Variants in ABCD4 observed in about 807,000 individuals in gnomAD.
ABCD4 encodes lysosomal cobalamin transporter ABCD4.
A neutral mutation model predicts 86.3 loss-of-function variants in ABCD4; 53 were observed. The observed-to-expected ratio is 0.61, with a 90% confidence interval of 0.49 to 0.77. The LOEUF is 0.77. Among genes scored for constraint, ABCD4 ranks in the 30% least tolerant of loss-of-function variants. The pLI is 0.00. For synonymous variants in ABCD4, 328 were observed against 313.6 expected (o/e 1.05, Z -0.49); for missense variants, 757 against 764.5 (o/e 0.99, Z 0.12).
intron 7 of ABCD4, chr14:74,294,350 C>G (rs760647163): frequency 6.6e-6 from 1 of 152,400 alleles, no homozygotes; most frequent in African/African-American, 2.4e-5. Flanking sequence ...CCACCATGCC[C>G]GGCCTCCAAA....
Position 74,299,555 on chromosome 14 carries a change from T to C in ABCD4, c.278A>G (p.Asn93Ser), listed in dbSNP as rs755101479. The change falls in exon 3 of 19, where the codon AAC (asparagine) becomes AGC (serine). Residue 93 changes from asparagine to serine, a missense_variant. Physicochemically the swap from Asn to Ser is conservative, Grantham distance 46. Transcript: ENST00000356924. ...GAGAGGGAAAGATCTTACCGTGGAG[T>C]TCAGAACAATGAGCATGACAGCCAG... ...TFLAVMLIVL[N>S]STLKSFDQFT... is the part of the protein sequence containing the mutation. 1.2e-6 allele frequency: 2 copies of C among 1,612,560 alleles called. No individual in the cohort carries two copies. Among genetic ancestry groups the C allele is most frequent in the South Asian group, 1.1e-5 (1 of 90,996 alleles).
intron 1 of ABCD4, among the ~76,000 whole-genome samples, chr14:74,302,654 G>A (rs1308139587): frequency 6.6e-6 from 1 of 152,230 alleles, no homozygotes; most frequent in African/African-American, 2.4e-5. Context: ...CGCAGGAGAT[G>A]GCACAAGTCC....
In ABCD4 at chr14:74,296,362, G is replaced by A. The variant is rs753895443; in HGVS notation, c.513C>T (p.Leu171=). ...GGAAGCACTGGTAAGTGTAGTAGAC[G>A]AGGGTGAACGGGGAGATGATGAGCT... ...ASKLIISPFT[L]VYYTYQCFQS... Residue 171 remains leucine (L), a synonymous_variant, in exon 5 of 19, where the codon CTC becomes CTT. Coordinates refer to ENST00000356924, the MANE Select transcript of ABCD4 (RefSeq NM_005050.4). 12 of 1,614,076 alleles carry A rather than the reference G, an allele frequency of 7.4e-6. No homozygotes were observed. Among genetic ancestry groups the A allele is most frequent in the African/African-American group, 2.7e-5 (2 of 74,934 alleles).
chr14:74,293,309 G>T (rs576115362), intron 7 of ABCD4, 61 bp from the exon 8 acceptor site: 2 of 1,505,154 alleles, frequency 1.3e-6, no homozygotes, highest in Non-Finnish European at 9.2e-7. Flanking sequence ...TTGGGGGGCC[G>T]CCTGTCCCAT....
chr14:74,291,019 G>A (rs1439132792), intron 11 of ABCD4, among the ~76,000 whole-genome samples: 26 of 152,092 alleles, frequency 1.7e-4, no homozygotes, highest in Admixed American at 1.7e-3. Flanking sequence ...AGTTGTTGGG[G>A]TGGGACCCTA....
At position 74,292,790 on chromosome 14, in the gene ABCD4, A is replaced by G. The variant is rs1359330292; in HGVS notation, c.894T>C (p.Tyr298=). The G allele has an allele frequency of 6.2e-7, 1 of 1,614,160 alleles. No individual in the cohort carries two copies. The highest frequency in any genetic ancestry group is 2.2e-5 in the East Asian group (1 of 44,870). ...VIAIPIFSGV[Y]GDLSPAELST... The stretch of plus-strand genomic sequence containing the variant: ...TAAGCTCTGCGGGACTCAGGTCTCC[A>G]TAGACCCCGCTGAAAATGGGGATTG... The change falls in exon 9 of 19, where the codon TAT becomes TAC. Residue 298 remains tyrosine (Y), a synonymous_variant. Transcript: ENST00000356924.
At chr14:74,301,146 G>A (rs1203496885) in intron 1 of ABCD4, among the ~76,000 whole-genome samples, 1 of 146,676 alleles carries the variant, frequency 6.8e-6, no homozygotes, top group Non-Finnish European at 1.5e-5. Flanking sequence ...GAGCCACCGC[G>A]CCTGGCCTAA....
chr14:74,302,746 TTCTC>T (rs1468168131), intron 1 of ABCD4, 125 bp downstream of exon 1: 1 of 1,128,220 alleles, frequency 8.9e-7, no homozygotes, highest in African/African-American at 1.6e-5. Flanking sequence ...GAGCTCCTCT[TTCTC>T]TCAGAAGTCA....
rs750360597 is a variant in ABCD4 at position 74,299,548 on chromosome 14, C to T, written c.285G>A (p.Thr95=). 6 of 1,613,268 alleles carry T rather than the reference C, an allele frequency of 3.7e-6. No individual in the cohort carries two copies. Among genetic ancestry groups the T allele is most frequent in the Middle Eastern group, 1.7e-4 (1 of 6,060 alleles). The change falls in exon 3 of 19, where the codon ACG becomes ACA. Residue 95 remains threonine, a splice_region_variant and synonymous_variant. Coordinates refer to ENST00000356924, the MANE Select transcript of ABCD4 (RefSeq NM_005050.4). ...ACACAGAGAGAGGGAAAGATCTTAC[C>T]GTGGAGTTCAGAACAATGAGCATGA... ...LAVMLIVLNS[T]LKSFDQFTCN...
In ABCD4 at chr14:74,290,347, C is replaced by T; in HGVS notation, c.1271G>A (p.Gly424Asp). The T allele has an allele frequency of 1.9e-6, 3 of 1,614,154 alleles. No individual in the cohort carries two copies. Among genetic ancestry groups the T allele is most frequent in the Non-Finnish European group, 2.5e-6 (3 of 1,180,022 alleles). Residue 424 changes from glycine to aspartate, a missense_variant, in exon 12 of 19, where the codon GGC (glycine) becomes GAC (aspartate). Physicochemically the swap from Gly to Asp is moderately conservative, Grantham distance 94. Transcript: ENST00000356924. ...GQSLLITGNT[G>D]TGKTSLLRVL... is the part of the protein sequence containing the mutation. ...CCGGAGCAAGGAGGTCTTGCCAGTGCCCGTGTTGCCTGTGATGAGCAGGCT... is the reference window on the plus strand; with the variant it reads ...CCGGAGCAAGGAGGTCTTGCCAGTGTCCGTGTTGCCTGTGATGAGCAGGCT...
At chr14:74,297,608 G>A (rs982634819) in intron 4 of ABCD4, 1 of 593,722 alleles carries the variant, frequency 1.7e-6, no homozygotes, top group Non-Finnish European at 2.2e-6. Flanking sequence ...GCCCAGGCTA[G>A]AGTACAGTGG....
Position 74,292,824 on chromosome 14 carries a change from A to G in ABCD4, c.860T>C (p.Val287Ala), listed in dbSNP as rs763327946. The G allele has an allele frequency of 1.2e-6, 2 of 1,614,186 alleles. No homozygotes were observed. Among genetic ancestry groups the G allele is most frequent in the East Asian group, 2.2e-5 (1 of 44,884 alleles). ...FDYLGSILSY[V>A]VIAIPIFSGV... ...GCTGAAAATGGGGATTGCGATGACA[A>G]CGTAACTCAGGATGCTGCCCAGATA... Residue 287 changes from valine to alanine, a missense_variant, in exon 9 of 19, where the codon GTT becomes GCT. Transcript: ENST00000356924.
intron 7 of ABCD4, chr14:74,294,671 G>A (rs2082388034): frequency 6.2e-6 from 1 of 160,938 alleles, no homozygotes; most frequent in Non-Finnish European, 1.4e-5. Flanking sequence ...TGCTGCTCCT[G>A]CTGCTGCCGT....
At chr14:74,292,462 G>A in intron 10 of ABCD4, 86 bp from the exon 11 acceptor site, 1 of 1,584,512 alleles carries the variant, frequency 6.3e-7, no homozygotes, top group Non-Finnish European at 8.7e-7. Context: ...ACGAGTACAT[G>A]GTATGTCTCT....
intron 7 of ABCD4, chr14:74,293,977 T>A (rs555172082): frequency 2.0e-5 from 3 of 152,242 alleles, no homozygotes; most frequent in African/African-American, 7.2e-5. Flanking sequence ...ACAGAAGAAC[T>A]CATCTGAAAC....
At position 74,295,975 on chromosome 14, in the gene ABCD4, C is replaced by A; in HGVS notation, c.547G>T (p.Gly183Cys). 6.2e-7 allele frequency: 1 copy of A among 1,605,458 alleles called. No homozygotes were observed. Among genetic ancestry groups the A allele is most frequent in the South Asian group, 1.1e-5 (1 of 89,826 alleles). ...YYTYQCFQST[G>C]WLGPVSIFGY... The stretch of plus-strand genomic sequence containing the variant: ...AAGATGCTCACAGGCCCGAGCCAGC[C>A]TGTGCTGAAATAGAGAGAGAGGGAG... Residue 183 changes from glycine (G) to cysteine (C), a missense_variant, in exon 6 of 19, where the codon GGC becomes TGC. Gly to Cys is a radical substitution (Grantham distance 159). Coordinates refer to ENST00000356924, the MANE Select transcript of ABCD4 (RefSeq NM_005050.4).
At chr14:74,299,725 AGGGAG>A in intron 2 of ABCD4, 50 bp from the exon 3 acceptor site, 1 of 1,571,780 alleles carries the variant, frequency 6.4e-7, no homozygotes, top group Non-Finnish European at 8.7e-7. Flanking sequence ...GTTAAAAAGA[AGGGAG>A]GCTTCTTCCT....
rs1216414193 is a variant in ABCD4, at chr14:74,290,413, GGTTT to G, written c.1201_1204del (p.Lys401ProfsTer2). ...CTTTAGGCTCAGATCCTTGATTAGG[GGTTT>G]GTCAGAGGAGGGGGCAGAGATGGAG... On this transcript the variant is annotated frameshift_variant, in exon 12 of 19. Transcript: ENST00000356924. LOFTEE classifies it high-confidence loss of function. 1 of 1,614,124 alleles carries G rather than the reference GGTTT, an allele frequency of 6.2e-7. No individual in the cohort carries two copies. The highest frequency in any genetic ancestry group is 1.3e-5 in the African/African-American group (1 of 75,024).
chr14:74,293,841 G>A (rs1222006337), intron 7 of ABCD4: 1 of 152,218 alleles, frequency 6.6e-6, no homozygotes, highest in Non-Finnish European at 1.5e-5. Flanking sequence ...CATGGCAGCA[G>A]ATAGGCTTAG....
Sources: allele counts gnomAD v4.1 joint callset (sites outside exome capture counted in the v4.1 genomes callset), GRCh38; gene constraint gnomAD v4.1.1; transcripts MANE v1.5; gene names NCBI Gene and HGNC (gene_info 2026-07-23, HGNC 2026-07-21).